Variants in PRUNE2 observed in about 807,000 individuals in gnomAD.
The protein encoded by PRUNE2 is prune homolog 2 with BCH domain.
PRUNE2 carries 164 observed loss-of-function variants against 252.0 expected under a neutral mutation model. That is an observed-to-expected ratio of 0.65 (90% CI 0.57 to 0.74). The LOEUF is 0.74. PRUNE2 is among the 30% of genes least tolerant of loss of function. PRUNE2 has a pLI of 0.00. For synonymous variants in PRUNE2, 1,292 were observed against 1,350.2 expected (o/e 0.96, Z 0.94); for missense variants, 3,495 against 3,711.0 (o/e 0.94, Z 1.51).
chr9:76,741,324 C>T (rs1316938167), intron 6 of PRUNE2, among the ~76,000 whole-genome samples: 2 of 152,156 alleles, frequency 1.3e-5, no homozygotes, highest in African/African-American at 2.4e-5. Context: ...AACCCAAAGA[C>T]ATGTGTCATG....
intron 11 of PRUNE2, among the ~76,000 whole-genome samples, chr9:76,651,609 TA>T (rs1047955146): frequency 3.3e-5 from 5 of 151,722 alleles, no homozygotes; most frequent in African/African-American, 1.2e-4. Flanking sequence ...TAATGCCATT[TA>T]AAAAAAAATG....
chr9:76,655,503 C>G lies in PRUNE2; in HGVS notation c.8277-1G>C. The G allele has an allele frequency of 6.2e-7, 1 of 1,611,708 alleles. No homozygotes were observed. The highest frequency in any genetic ancestry group is 1.3e-5 in the African/African-American group (1 of 74,988). Reference sequence around the variant, plus strand: ...CATTCCTACATCCTCTGACAGTAGTCTGCAAAAAAAGCAAAGCAAAGCGCG... The same window carrying G: ...CATTCCTACATCCTCTGACAGTAGTGTGCAAAAAAAGCAAAGCAAAGCGCG... On this transcript the variant is annotated splice_acceptor_variant, in intron 9 of 18. Coordinates refer to ENST00000376718, the MANE Select transcript of PRUNE2 (RefSeq NM_015225.3). LOFTEE classifies it high-confidence loss of function.
chr9:76,782,653 G>A (rs2054543927), intron 6 of PRUNE2: 1 of 152,170 alleles, frequency 6.6e-6, no homozygotes, highest in Admixed American at 6.5e-5. Context: ...GGATAATACT[G>A]TTCTATGTCC....
intron 6 of PRUNE2, among the ~76,000 whole-genome samples, chr9:76,761,414 G>A (rs1164422980): frequency 2.0e-5 from 3 of 152,100 alleles, no homozygotes; most frequent in Non-Finnish European, 4.4e-5. Flanking sequence ...AAATGGTGTC[G>A]ACAAAAATTA....
chr9:76,812,045 A>C (rs920438154), intron 6 of PRUNE2, among the ~76,000 whole-genome samples: 7 of 152,338 alleles, frequency 4.6e-5, no homozygotes, highest in Non-Finnish European at 8.8e-5. Flanking sequence ...TGGAAAATCC[A>C]TGATGTTGTC....
At chr9:76,873,496 C>T (rs2061331338) in intron 1 of PRUNE2, among the ~76,000 whole-genome samples, 1 of 152,188 alleles carries the variant, frequency 6.6e-6, no homozygotes, top group Non-Finnish European at 1.5e-5. Context: ...AATTTCACAT[C>T]TGTAATCCCT....
chr9:76,741,101 A>G (rs907259519), intron 6 of PRUNE2, among the ~76,000 whole-genome samples: 11 of 152,208 alleles, frequency 7.2e-5, no homozygotes, highest in Non-Finnish European at 2.9e-5. Flanking sequence ...CATTAAGTAT[A>G]ATACATTTGC....
chr9:76,651,638 T>G (rs144338975), intron 11 of PRUNE2, among the ~76,000 whole-genome samples: 1 of 152,326 alleles, frequency 6.6e-6, no homozygotes, highest in Non-Finnish European at 1.5e-5. Flanking sequence ...TTGTACATAT[T>G]TCTTAAACCA....
intron 6 of PRUNE2, among the ~76,000 whole-genome samples, chr9:76,772,699 G>C (rs2053249890): frequency 6.6e-6 from 1 of 152,094 alleles, no homozygotes; most frequent in Non-Finnish European, 1.5e-5. Flanking sequence ...CAGTAGCTGG[G>C]ACTATAGGCA....
At chr9:76,841,458 G>A (rs2059392020) in intron 4 of PRUNE2, among the ~76,000 whole-genome samples, 1 of 152,204 alleles carries the variant, frequency 6.6e-6, no homozygotes. Context: ...TGGAACGCCA[G>A]TGAGACAGAA....
chr9:76,618,248 T>C (rs571268673), intron 18 of PRUNE2, among the ~76,000 whole-genome samples: 1 of 152,370 alleles, frequency 6.6e-6, no homozygotes, highest in South Asian at 2.1e-4. Context: ...TTTTTGTGCC[T>C]AAACTTCCTT....
intron 4 of PRUNE2, among the ~76,000 whole-genome samples, chr9:76,843,725 CTTTT>C (rs71501394): frequency 3.1e-5 from 4 of 128,152 alleles, no homozygotes; most frequent in African/African-American, 3.0e-5. Context: ...CTTGATTCCT[CTTTT>C]TTTTTTTTTT....
At chr9:76,771,812 A>G (rs1257150162) in intron 6 of PRUNE2, among the ~76,000 whole-genome samples, 1 of 152,186 alleles carries the variant, frequency 6.6e-6, no homozygotes, top group Non-Finnish European at 1.5e-5. Context: ...TACTCCGTGT[A>G]CTGCCCACAA....
rs749956190 is a variant in PRUNE2 at position 76,846,617 on chromosome 9, C to T, written c.406G>A (p.Ala136Thr). 6 of 1,614,076 alleles carry T rather than the reference C, an allele frequency of 3.7e-6. No individual in the cohort carries two copies. The East Asian group carries it at 8.9e-5, about 24-fold the overall frequency. Residue 136 changes from alanine (A) to threonine (T), a missense_variant, in exon 4 of 19, where the codon GCC (alanine) becomes ACC (threonine). Physicochemically the swap from Ala to Thr is moderately conservative, Grantham distance 58. Coordinates refer to ENST00000376718, the MANE Select transcript of PRUNE2 (RefSeq NM_015225.3). ...KVINPVEQSDANVEFRESSSS... is the reference protein window; with the variant it reads ...KVINPVEQSDTNVEFRESSSS... ...GAAGACTCTCGGAACTCAACGTTGG[C>T]ATCGCTCTGCTCAACCGGATTAATG...
intron 4 of PRUNE2, among the ~76,000 whole-genome samples, chr9:76,835,548 A>C (rs2058911431): frequency 6.6e-6 from 1 of 152,210 alleles, no homozygotes; most frequent in Non-Finnish European, 1.5e-5. Flanking sequence ...TGACAGAAGA[A>C]ATAGTGAACA....
chr9:76,651,202 C>A (rs1847250614), intron 11 of PRUNE2, among the ~76,000 whole-genome samples: 1 of 105,400 alleles, frequency 9.5e-6, no homozygotes, highest in Admixed American at 1.1e-4. Flanking sequence ...ACCACCTGTA[C>A]CCCAATAACT....
At chr9:76,893,426 C>A (rs977423092) in intron 1 of PRUNE2, among the ~76,000 whole-genome samples, 1 of 152,188 alleles carries the variant, frequency 6.6e-6, no homozygotes, top group African/African-American at 2.4e-5. Flanking sequence ...TGGCTGTTTT[C>A]CACAGCCCTC....
intron 6 of PRUNE2, among the ~76,000 whole-genome samples, chr9:76,753,124 G>A (rs533924069): frequency 6.6e-6 from 1 of 152,120 alleles, no homozygotes; most frequent in South Asian, 2.1e-4. Flanking sequence ...CCACCTCCTG[G>A]GCTCAATGGA....
intron 1 of PRUNE2, among the ~76,000 whole-genome samples, chr9:76,870,291 C>T (rs1332132050): frequency 3.4e-5 from 5 of 147,746 alleles, no homozygotes; most frequent in Admixed American, 2.0e-4. Flanking sequence ...TTTTTTTTTG[C>T]AACAAGGAGT....
Sources: gnomAD v4.1 joint callset for allele counts (sites outside exome capture counted in the v4.1 genomes callset) on GRCh38, gnomAD v4.1.1 for gene constraint, MANE v1.5 for transcripts, NCBI Gene and HGNC (gene_info 2026-07-23, HGNC 2026-07-21) for gene names.